P3H2: variants seen among roughly 807,000 people sequenced by gnomAD.
P3H2 encodes the protein leprecan-like 1.
P3H2 carries 80 observed loss-of-function variants against 87.0 expected under a neutral mutation model. The observed-to-expected ratio is 0.92, with a 90% confidence interval of 0.77 to 1.11. The LOEUF (loss-of-function observed/expected upper bound fraction) is 1.11, where lower values mean the gene tolerates loss of function less well. P3H2 is among the 50% of genes least tolerant of loss of function. The pLI, the probability that P3H2 is intolerant of heterozygous loss-of-function variation, is 0.00. For synonymous variants in P3H2, 367 were observed against 359.3 expected (o/e 1.02, Z -0.24); for missense variants, 1,001 against 923.9 (o/e 1.08, Z -1.08).
chr3:190,118,364 A>C (rs1354621195), intron 1 of P3H2, among the ~76,000 whole-genome samples: 1 of 152,004 alleles, frequency 6.6e-6, no homozygotes, highest in Non-Finnish European at 1.5e-5. Flanking sequence ...GGGAGGACCA[A>C]GCTACAGGGA....
At chr3:189,969,350 C>T (rs963026685) in intron 13 of P3H2, 2 of 836,216 alleles carry the variant, frequency 2.4e-6, no homozygotes, top group Non-Finnish European at 4.2e-6. Context: ...CGAGGTCCCT[C>T]AGTTGTGACC....
At chr3:190,032,114 C>T (rs749792335) in intron 1 of P3H2, among the ~76,000 whole-genome samples, 22 of 152,178 alleles carry the variant, frequency 1.4e-4, no homozygotes, top group Non-Finnish European at 2.9e-4. Context: ...GCATGTCCAA[C>T]GAGATGGAGG....
chr3:189,985,229 AC>A (rs1723652609), intron 6 of P3H2, among the ~76,000 whole-genome samples: 1 of 152,054 alleles, frequency 6.6e-6, no homozygotes, highest in Admixed American at 6.6e-5. Context: ...TGAAGAACTT[AC>A]ATAGTAACCA....
At chr3:190,084,964 A>C (rs1006207157) in intron 1 of P3H2, among the ~76,000 whole-genome samples, 3 of 151,206 alleles carry the variant, frequency 2.0e-5, no homozygotes, top group Non-Finnish European at 3.0e-5. Flanking sequence ...AAAAAAAAAG[A>C]AAGAAAGAAA....
Position 189,989,055 on chromosome 3 carries a change from A to G in P3H2, c.824-17T>C. The G allele has an allele frequency of 6.2e-7, 1 of 1,614,044 alleles. No individual in the cohort carries two copies. The highest frequency in any genetic ancestry group is 8.5e-7 in the Non-Finnish European group (1 of 1,179,984). The stretch of plus-strand genomic sequence containing the variant: ...TGTAGTGATCTGGAAGACAAGAGCC[A>G]ATACGTGTGTTCCTCCAGGTTGCTG... On this transcript the variant is annotated splice_polypyrimidine_tract_variant and intron_variant, in intron 3 of 14. Coordinates refer to ENST00000319332, the MANE Select transcript of P3H2 (RefSeq NM_018192.4).
At chr3:190,012,242 A>T (rs1447039356) in intron 1 of P3H2, among the ~76,000 whole-genome samples, 34 of 79,140 alleles carry the variant, frequency 4.3e-4, no homozygotes, top group Middle Eastern at 5.3e-3. Context: ...GTGTGTGTGT[A>T]GTGGGGGGCG....
intron 2 of P3H2, among the ~76,000 whole-genome samples, chr3:189,995,084 T>G (rs536554566): frequency 6.6e-6 from 1 of 152,244 alleles, no homozygotes; most frequent in Admixed American, 6.5e-5. Flanking sequence ...TTATTTCAAC[T>G]TTTAAAATTT....
At chr3:189,964,566 A>G (rs1352389738) in intron 13 of P3H2, among the ~76,000 whole-genome samples, 2 of 152,278 alleles carry the variant, frequency 1.3e-5, no homozygotes, top group Non-Finnish European at 2.9e-5. Context: ...ATGAGCGTAT[A>G]CGCTTTCTAA....
intron 1 of P3H2, among the ~76,000 whole-genome samples, chr3:190,037,921 A>G (rs1431940078): frequency 1.3e-5 from 2 of 149,126 alleles, no homozygotes; most frequent in Non-Finnish European, 3.0e-5. Flanking sequence ...ATTTTTGTAC[A>G]AAGCCACTCT....
intron 8 of P3H2, among the ~76,000 whole-genome samples, chr3:189,975,920 T>G (rs1347814809): frequency 6.6e-6 from 1 of 152,230 alleles, no homozygotes; most frequent in African/African-American, 2.4e-5. Context: ...ATTTTCACTC[T>G]AATTTTACTT....
intron 1 of P3H2, among the ~76,000 whole-genome samples, chr3:190,109,982 G>T (rs111902974): frequency 0.032 from 4,705 of 148,216 alleles, 249 homozygotes; most frequent in African/African-American, 0.11. Context: ...CCTAGTAGCT[G>T]GGATTACAGG....
Position 189,994,244 on chromosome 3 carries a change from C to T in P3H2, c.673G>A (p.Asp225Asn), listed in dbSNP as rs564132581. 1 of 1,613,664 alleles carries T rather than the reference C, an allele frequency of 6.2e-7. No individual in the cohort carries two copies. The highest frequency in any genetic ancestry group is 1.3e-5 in the African/African-American group (1 of 74,966). ...AAGTGCCTGATAGCCATCTCAAAGTCATCAGCCTCATAATGTTTAACTCCT... is the reference window on the plus strand; with the variant it reads ...AAGTGCCTGATAGCCATCTCAAAGTTATCAGCCTCATAATGTTTAACTCCT... ...NAGVKHYEAD[D>N]FEMAIRHFEQ... is the part of the protein sequence containing the mutation. Residue 225 changes from aspartate (D) to asparagine (N), a missense_variant, in exon 3 of 15, where the codon GAC becomes AAC. By Grantham distance (23) the Asp-to-Asn change is conservative. Transcript: ENST00000319332.
intron 6 of P3H2, among the ~76,000 whole-genome samples, 178 bp downstream of exon 6, chr3:189,986,610 T>C (rs1191968391): frequency 6.6e-6 from 1 of 151,946 alleles, no homozygotes; most frequent in East Asian, 1.9e-4. Flanking sequence ...AATAAATAAA[T>C]AGATAAAGTT....
intron 1 of P3H2, among the ~76,000 whole-genome samples, chr3:190,062,585 A>G (rs1726366646): frequency 6.6e-6 from 1 of 152,162 alleles, no homozygotes; most frequent in Non-Finnish European, 1.5e-5. Context: ...ATATTTACTG[A>G]TTAATAATAA....
At chr3:189,969,552 G>T in intron 13 of P3H2, 2 of 1,260,354 alleles carry the variant, frequency 1.6e-6, no homozygotes, top group Non-Finnish European at 2.3e-6. Flanking sequence ...ATATCGCCAG[G>T]TTGAATCTCC....
intron 1 of P3H2, among the ~76,000 whole-genome samples, chr3:190,055,943 T>C (rs778597339): frequency 1.3e-4 from 20 of 152,206 alleles, no homozygotes; most frequent in Non-Finnish European, 2.5e-4. Flanking sequence ...AATTCATATA[T>C]TGAAGCTCTA....
chr3:190,091,581 T>C (rs1282434907), intron 1 of P3H2, among the ~76,000 whole-genome samples: 3 of 152,230 alleles, frequency 2.0e-5, no homozygotes, highest in Non-Finnish European at 2.9e-5. Flanking sequence ...GTTTTCTTTA[T>C]AAATACCAAT....
upstream of P3H2, among the ~76,000 whole-genome samples, chr3:190,121,839 C>T (rs1712613834): frequency 6.6e-6 from 1 of 152,128 alleles, no homozygotes. Context: ...CCCCTGTAAT[C>T]CCAGCACTTT....
chr3:190,095,393 C>T (rs1318449160), intron 1 of P3H2, among the ~76,000 whole-genome samples: 1 of 134,978 alleles, frequency 7.4e-6, no homozygotes, highest in Non-Finnish European at 1.5e-5. Context: ...TATATCTACA[C>T]CAAGAAGAGT....
Sources: gnomAD v4.1 joint callset for allele counts (sites outside exome capture counted in the v4.1 genomes callset) on GRCh38, gnomAD v4.1.1 for gene constraint, MANE v1.5 for transcripts, NCBI Gene and HGNC (gene_info 2026-07-23, HGNC 2026-07-21) for gene names.